The following RPH3AL variants were observed in gnomAD, a reference collection of about 807,000 sequenced individuals.
RPH3AL encodes rab effector Noc2.
Under a neutral mutation model 43.1 loss-of-function variants are expected in RPH3AL, and 38 were observed. The observed-to-expected ratio is 0.88, with a 90% CI of 0.68 to 1.15. The LOEUF (loss-of-function observed/expected upper bound fraction) is 1.15. Among genes scored for constraint, RPH3AL ranks in the 50% most tolerant of loss-of-function variants. The pLI, the probability that RPH3AL is intolerant of heterozygous loss-of-function variation, is 0.00. For missense variants in RPH3AL, 462 were observed against 423.2 expected, an observed-to-expected ratio of 1.09 and a Z score of -0.81; for synonymous variants, 189 against 176.3, an observed-to-expected ratio of 1.07 and a Z score of -0.57.
At chr17:235,395 A>G (rs8078069) in intron 7 of RPH3AL, among the ~76,000 whole-genome samples, 12,010 of 41,996 alleles carry the variant, frequency 0.29, 306 homozygotes, top group Middle Eastern at 0.34. Context: ...CTAACAAGAC[A>G]GGTCCCGGGT....
At chr17:214,023 G>T (rs1321294292) in intron 9 of RPH3AL, 100 bp from the exon 10 acceptor site, 5 of 858,020 alleles carry the variant, frequency 5.8e-6, no homozygotes, top group Non-Finnish European at 5.5e-6. Context: ...AGGAGCTGGT[G>T]GGGAAGGCAG....
intron 1 of RPH3AL, among the ~76,000 whole-genome samples, chr17:340,187 C>G (rs565034028): frequency 6.6e-6 from 1 of 152,064 alleles, no homozygotes; most frequent in South Asian, 2.1e-4. Flanking sequence ...TGCCATCAGA[C>G]AGGCTCTCCA....
At chr17:349,233 G>T (rs1045159235) in intron 1 of RPH3AL, 1 of 152,114 alleles carries the variant, frequency 6.6e-6, no homozygotes, top group Non-Finnish European at 1.5e-5. Flanking sequence ...GAGAACTAGG[G>T]TAATTGGGCA....
intron 3 of RPH3AL, among the ~76,000 whole-genome samples, chr17:325,341 A>G (rs2151706190): frequency 6.6e-6 from 1 of 152,242 alleles, no homozygotes; most frequent in South Asian, 2.1e-4. Flanking sequence ...CCGGAACATG[A>G]GTCTCTGGAG....
At chr17:314,714 C>A (rs1484180832) in intron 5 of RPH3AL, among the ~76,000 whole-genome samples, 1 of 32,042 alleles carries the variant, frequency 3.1e-5, no homozygotes, top group East Asian at 1.4e-3. Context: ...TCTCTGTGCT[C>A]CACCTCCACT....
At chr17:303,074 A>C (rs1598050902) in intron 5 of RPH3AL, among the ~76,000 whole-genome samples, 1 of 152,220 alleles carries the variant, frequency 6.6e-6, no homozygotes, top group South Asian at 2.1e-4. Flanking sequence ...GGTGGAGATA[A>C]AGTCTGAGGT....
At chr17:329,909 G>A (rs563982587) in intron 2 of RPH3AL, among the ~76,000 whole-genome samples, 5 of 152,326 alleles carry the variant, frequency 3.3e-5, no homozygotes, top group Non-Finnish European at 5.9e-5. Flanking sequence ...TCAACAGATG[G>A]TAATTTCTTA....
intron 6 of RPH3AL, among the ~76,000 whole-genome samples, chr17:276,278 G>A (rs2151598686): frequency 6.6e-6 from 1 of 152,278 alleles, no homozygotes; most frequent in Admixed American, 6.5e-5. Flanking sequence ...TCATTTTTAG[G>A]GATGAAAATG....
At position 333,064 on chromosome 17, in the gene RPH3AL, A is replaced by G; in HGVS notation, c.-37+695T>C. Reference sequence around the variant, plus strand: ...ACAACCCCTTCTTCCAGGAGGATGCAATTCTCTCTCTAAAGTCGAGAGCTC... The same window carrying G: ...ACAACCCCTTCTTCCAGGAGGATGCGATTCTCTCTCTAAAGTCGAGAGCTC... On this transcript the variant is annotated intron_variant, in intron 2 of 9. Transcript: ENST00000331302. The surrounding 1 kb of genome is among the most constrained non-coding windows in gnomAD (Gnocchi z 4.5). 2 of 1,289,090 alleles carry G rather than the reference A, an allele frequency of 1.6e-6. No homozygotes were observed. The highest frequency in any genetic ancestry group is 1.2e-5 in the South Asian group (1 of 81,012). The allele number at this position is 1,289,090 out of a possible 1,614,324, so 79.9% of individuals were successfully genotyped here.
At chr17:315,281 CCT>C (rs1324312557) in intron 5 of RPH3AL, among the ~76,000 whole-genome samples, 1 of 135,332 alleles carries the variant, frequency 7.4e-6, no homozygotes, top group Non-Finnish European at 1.6e-5. Flanking sequence ...ACCTGTAGTC[CCT>C]GTGCCCCCAC....
At chr17:338,348 G>C (rs2045016326) in intron 1 of RPH3AL, among the ~76,000 whole-genome samples, 1 of 151,958 alleles carries the variant, frequency 6.6e-6, no homozygotes, top group Non-Finnish European at 1.5e-5. Context: ...TGTAGTCTCA[G>C]ATACTCAGGA....
Position 289,539 on chromosome 17 carries a change from C to T in RPH3AL, c.352-7685G>A, listed in dbSNP as rs796792140. 1.2e-4 allele frequency among the ~76,000 whole-genome samples: 18 copies of T among 152,272 alleles called. No individual in the cohort carries two copies. Among genetic ancestry groups the T allele is most frequent in the African/African-American group, 4.1e-4 (17 of 41,548 alleles). On this transcript the variant is annotated intron_variant, in intron 5 of 9. Coordinates refer to ENST00000331302, the MANE Select transcript of RPH3AL (RefSeq NM_006987.4). The surrounding 1 kb of genome is among the most constrained non-coding windows in gnomAD (Gnocchi z 5.2). ...CTGGTTCCCGACATGGCAGCCAGGC[C>T]GATTTTCTCAAGAGGCAAATCTAAT...
chr17:331,330 G>C, intron 2 of RPH3AL: 1 of 43,952 alleles, frequency 2.3e-5, no homozygotes, highest in South Asian at 1.3e-4. Context: ...ACGGAAGGAT[G>C]TCGCCTCCAG....
Position 321,418 on chromosome 17 carries a change from C to A in RPH3AL, c.78-3G>T. 1 of 1,603,324 alleles carries A rather than the reference C, an allele frequency of 6.2e-7. No individual in the cohort carries two copies. Reference sequence around the variant, plus strand: ...GCACGGACCAGCCCGTCTGCAGCCTCGAGAGGGAACAGCACAGACGGCGTG... The same window carrying A: ...GCACGGACCAGCCCGTCTGCAGCCTAGAGAGGGAACAGCACAGACGGCGTG... On this transcript the variant is annotated splice_polypyrimidine_tract_variant and splice_region_variant and intron_variant, in intron 3 of 9. Transcript: ENST00000331302.
chr17:265,955 T>G (rs1187615932), intron 6 of RPH3AL, among the ~76,000 whole-genome samples: 2 of 152,120 alleles, frequency 1.3e-5, no homozygotes, highest in African/African-American at 2.4e-5. Flanking sequence ...ATGTTCAGCG[T>G]GAGGGGGCAA....
In RPH3AL at chr17:316,439, G is replaced by C. The variant is rs373565947; in HGVS notation, c.351+2981C>G. 2.0e-5 allele frequency among the ~76,000 whole-genome samples: 3 copies of C among 147,620 alleles called. No individual in the cohort carries two copies. In the South Asian group the frequency reaches 6.5e-4, roughly 32 times the overall value. Reference sequence around the variant, plus strand: ...GTGACCCCACCTCCATTGACCTGTAGTCTCTGTGCTCCACCTCCACTGACC... The same window carrying C: ...GTGACCCCACCTCCATTGACCTGTACTCTCTGTGCTCCACCTCCACTGACC... On this transcript the variant is annotated intron_variant, in intron 5 of 9. Transcript: ENST00000331302.
chr17:222,586 T>C (rs1159952915), intron 7 of RPH3AL, among the ~76,000 whole-genome samples: 1 of 152,218 alleles, frequency 6.6e-6, no homozygotes, highest in African/African-American at 2.4e-5. Context: ...TAATACAGGA[T>C]ATAGCTACCC....
intron 5 of RPH3AL, among the ~76,000 whole-genome samples, chr17:294,321 G>T (rs1598032070): frequency 6.6e-6 from 1 of 152,036 alleles, no homozygotes; most frequent in Non-Finnish European, 1.5e-5. Context: ...ACAAAAATTA[G>T]CCGAGCATGC....
chr17:212,431 A>G lies in RPH3AL; in HGVS notation c.*1421T>C, dbSNP rs1202889735. 6.6e-6 allele frequency: 1 copy of G among 151,898 alleles called. No individual in the cohort carries two copies. The highest frequency in any genetic ancestry group is 1.5e-5 in the Non-Finnish European group (1 of 67,976). The allele number at this position is 151,898 out of a possible 1,614,324, so 9.4% of individuals were successfully genotyped here. On this transcript the variant is annotated 3_prime_UTR_variant, in exon 10 of 10. Transcript: ENST00000331302. The stretch of plus-strand genomic sequence containing the variant: ...AAGTCAACGCACCACAGTTTTTTCC[A>G]TTTTTCCATGGACGCATCTCAGAAA...
Sources: allele counts gnomAD v4.1 joint callset (sites outside exome capture counted in the v4.1 genomes callset), GRCh38; gene constraint gnomAD v4.1.1; non-coding constraint Gnocchi (gnomAD v3.1); transcripts MANE v1.5; gene names NCBI Gene and HGNC (gene_info 2026-07-23, HGNC 2026-07-21).